The following PELI2 variants were observed in gnomAD, a reference collection of about 807,000 sequenced individuals.
PELI2 encodes E3 ubiquitin-protein ligase pellino homolog 2.
In PELI2, 23 loss-of-function variants were observed where a neutral mutation model predicts 42.3. The ratio of observed to expected loss-of-function variants is 0.54; its 90% CI spans 0.39 to 0.77. PELI2 has a LOEUF of 0.77. Ranked by LOEUF, PELI2 falls within the 30% of genes least tolerant of loss-of-function variation. The probability of loss-of-function intolerance (pLI) is 0.00; values close to 1 mark genes in which losing one functional copy is unlikely to be tolerated. For missense variants in PELI2, 463 were observed against 553.2 expected (o/e 0.84, Z 1.64); for synonymous variants, 245 against 212.2 (o/e 1.15, Z -1.34).
At chr14:56,248,584 A>T (rs1888240968) in intron 2 of PELI2, among the ~76,000 whole-genome samples, 2 of 152,074 alleles carry the variant, frequency 1.3e-5, no homozygotes, top group Non-Finnish European at 2.9e-5. Flanking sequence ...GGGAAGCAGA[A>T]GGAAGGCATG....
chr14:56,280,038 G>A (rs1194830140), intron 3 of PELI2, among the ~76,000 whole-genome samples: 1 of 152,054 alleles, frequency 6.6e-6, no homozygotes, highest in Admixed American at 6.6e-5. Flanking sequence ...AATTTTAAAA[G>A]CTAACCACTT....
chr14:56,153,304 A>T (rs1013693705), intron 1 of PELI2, among the ~76,000 whole-genome samples: 1 of 152,198 alleles, frequency 6.6e-6, no homozygotes, highest in Non-Finnish European at 1.5e-5. Context: ...TTTTGGCAGT[A>T]TGAGAGATCC....
Position 56,219,586 on chromosome 14 carries a change from G to T in PELI2, c.207+41122G>T, listed in dbSNP as rs112711295. ...AAGTCAAAGAAAGGGTCTCTGAGCT[G>T]CCACACACTCATAAGAGGCCTCCTT... is the stretch of plus-strand genomic sequence containing the variant. On this transcript the variant is annotated intron_variant, in intron 2 of 5. Coordinates refer to ENST00000267460, the MANE Select transcript of PELI2 (RefSeq NM_021255.3). This position sits in a 1 kb window ranked among gnomAD's most constrained non-coding sequence, Gnocchi z 4.1. Among the ~76,000 whole-genome samples, 69 of 152,268 alleles carry T rather than the reference G, an allele frequency of 4.5e-4. 1 individual carries two copies. The highest frequency in any genetic ancestry group is 1.6e-3 in the African/African-American group (67 of 41,548).
At chr14:56,167,405 C>T (rs894267920) in intron 1 of PELI2, among the ~76,000 whole-genome samples, 4 of 151,958 alleles carry the variant, frequency 2.6e-5, no homozygotes, top group African/African-American at 9.7e-5. Flanking sequence ...TTCAAATATC[C>T]TGTCTTCAGG....
At position 56,273,842 on chromosome 14, in the gene PELI2, G is replaced by A. The variant is rs1889190888; in HGVS notation, c.208-5834G>A. 6.6e-6 allele frequency among the ~76,000 whole-genome samples: 1 copy of A among 152,190 alleles called. No individual in the cohort carries two copies. Among genetic ancestry groups the A allele is most frequent in the South Asian group, 2.1e-4 (1 of 4,828 alleles). On this transcript the variant is annotated intron_variant, in intron 2 of 5. Coordinates refer to ENST00000267460, the MANE Select transcript of PELI2 (RefSeq NM_021255.3). The surrounding 1 kb of genome is among the most constrained non-coding windows in gnomAD (Gnocchi z 4.3). ...CAAGTGACAAAATGCCTAACGAAAA[G>A]CAGCCTAAAACCCTGATTTTTATTC...
At chr14:56,212,687 A>G (rs909577706) in intron 2 of PELI2, among the ~76,000 whole-genome samples, 62 of 152,318 alleles carry the variant, frequency 4.1e-4, no homozygotes, top group African/African-American at 1.5e-3. Flanking sequence ...TCGTGTAGCA[A>G]GTGTCTGAGT....
chr14:56,131,191 C>A (rs1883469515), intron 1 of PELI2, among the ~76,000 whole-genome samples: 1 of 152,204 alleles, frequency 6.6e-6, no homozygotes. Context: ...AGTCCAACAG[C>A]AGTCCAGGAA....
chr14:56,173,454 T>A (rs1209795916), intron 1 of PELI2, among the ~76,000 whole-genome samples: 3 of 152,180 alleles, frequency 2.0e-5, no homozygotes, highest in African/African-American at 7.2e-5. Context: ...CTCTAAAATT[T>A]TTCTCTAATC....
At chr14:56,157,254 C>G (rs2139632817) in intron 1 of PELI2, among the ~76,000 whole-genome samples, 1 of 152,168 alleles carries the variant, frequency 6.6e-6, no homozygotes, top group East Asian at 1.9e-4. Flanking sequence ...ACCTGATTCA[C>G]TTACTACTTT....
At chr14:56,293,817 A>G (rs991159701) in intron 5 of PELI2, among the ~76,000 whole-genome samples, 4 of 152,228 alleles carry the variant, frequency 2.6e-5, no homozygotes, top group Non-Finnish European at 5.9e-5. Context: ...CAGATTTATA[A>G]TAAGACTTTG....
At chr14:56,225,346 G>A (rs1195545030) in intron 2 of PELI2, among the ~76,000 whole-genome samples, 3 of 152,202 alleles carry the variant, frequency 2.0e-5, no homozygotes, top group South Asian at 4.2e-4. Flanking sequence ...TGAGAGCTCC[G>A]ACTGAGTACA....
intron 1 of PELI2, among the ~76,000 whole-genome samples, chr14:56,158,760 G>A (rs1326323232): frequency 6.6e-6 from 1 of 152,132 alleles, no homozygotes; most frequent in African/African-American, 2.4e-5. Flanking sequence ...TAATTATTTT[G>A]TATCTAAAAT....
chr14:56,290,562 G>A, intron 5 of PELI2, 106 bp downstream of exon 5: 1 of 765,412 alleles, frequency 1.3e-6, no homozygotes, highest in Non-Finnish European at 2.0e-6. Context: ...GCAGGTCCAA[G>A]CGCCATGTAC....
intron 1 of PELI2, among the ~76,000 whole-genome samples, chr14:56,129,918 G>A (rs1193741445): frequency 6.6e-6 from 1 of 152,204 alleles, no homozygotes; most frequent in Non-Finnish European, 1.5e-5. Flanking sequence ...GGATCACTGA[G>A]GGGCTGCCCT....
chr14:56,150,623 T>C (rs922985789), intron 1 of PELI2, among the ~76,000 whole-genome samples: 4 of 152,210 alleles, frequency 2.6e-5, no homozygotes, highest in African/African-American at 9.7e-5. Flanking sequence ...TTGGAAAATA[T>C]CTTATAACCT....
rs756952600 is a variant in PELI2, at chr14:56,299,916, A to G, written c.*2750A>G. On this transcript the variant is annotated 3_prime_UTR_variant, in exon 6 of 6. Transcript: ENST00000267460. ...TCGTTTACTACAAAAAAAAAGATTC[A>G]GAGTGGATGGAGTACAACTCTGAGT... The G allele has an allele frequency of 6.6e-6, 1 of 152,630 alleles. No individual in the cohort carries two copies. The highest frequency in any genetic ancestry group is 1.5e-5 in the Non-Finnish European group (1 of 68,028). The allele number at this position is 152,630 out of a possible 1,614,324, so 9.5% of individuals were successfully genotyped here.
At chr14:56,268,001 G>A (rs1008877434) in intron 2 of PELI2, among the ~76,000 whole-genome samples, 3 of 152,126 alleles carry the variant, frequency 2.0e-5, no homozygotes, top group African/African-American at 7.2e-5. Context: ...ATCGATTTAT[G>A]TCAGATTCAA....
chr14:56,237,576 A>G (rs560470773), intron 2 of PELI2, among the ~76,000 whole-genome samples: 1 of 151,422 alleles, frequency 6.6e-6, no homozygotes, highest in Admixed American at 6.6e-5. Context: ...TCCTTCCTCC[A>G]CCACTAAGCT....
At chr14:56,225,093 T>C (rs1887294796) in intron 2 of PELI2, among the ~76,000 whole-genome samples, 1 of 152,174 alleles carries the variant, frequency 6.6e-6, no homozygotes, top group Non-Finnish European at 1.5e-5. Flanking sequence ...AGTGAGTAAA[T>C]ACATGTGCGT....
Sources: allele counts gnomAD v4.1 joint callset (sites outside exome capture counted in the v4.1 genomes callset), GRCh38; gene constraint gnomAD v4.1.1; non-coding constraint Gnocchi (gnomAD v3.1); transcripts MANE v1.5; gene names NCBI Gene and HGNC (gene_info 2026-07-23, HGNC 2026-07-21).